The following SCARB2 variants were observed in gnomAD, a reference collection of about 807,000 sequenced individuals.
SCARB2 encodes scavenger receptor class B member 2.
A neutral mutation model predicts 58.6 loss-of-function variants in SCARB2; 29 were observed. That is an observed-to-expected ratio of 0.49 (90% CI 0.37 to 0.67). SCARB2 has a LOEUF of 0.67. Ranked by LOEUF, SCARB2 falls within the 30% of genes least tolerant of loss-of-function variation. The probability of loss-of-function intolerance (pLI) is 0.00; values close to 1 mark genes in which losing one functional copy is unlikely to be tolerated. For missense variants in SCARB2, 488 were observed against 578.5 expected, an observed-to-expected ratio of 0.84 and a Z score of 1.60; for synonymous variants, 195 against 210.1, an observed-to-expected ratio of 0.93 and a Z score of 0.62.
At chr4:76,199,515 A>T (rs1238508164) in intron 1 of SCARB2, among the ~76,000 whole-genome samples, 1 of 152,282 alleles carries the variant, frequency 6.6e-6, no homozygotes, top group African/African-American at 2.4e-5. Context: ...ATATGGCAGG[A>T]CATTAACAAC....
intron 10 of SCARB2, 81 bp from the exon 11 acceptor site, chr4:76,163,464 A>G (rs1303984209): frequency 6.6e-7 from 1 of 1,525,986 alleles, no homozygotes; most frequent in Non-Finnish European, 9.0e-7. Flanking sequence ...TCCTTTGTTT[A>G]ATACAATTTG....
chr4:76,209,532 C>A lies in SCARB2; in HGVS notation c.117+3895G>T, dbSNP rs944645348. Among the ~76,000 whole-genome samples, 4 of 152,124 alleles carry A rather than the reference C, an allele frequency of 2.6e-5. No homozygotes were observed. The East Asian group carries it at 7.7e-4, about 29-fold the overall frequency. Reference sequence around the variant, plus strand: ...TACAGGCACCTGCCACCATGCCTAGCTAATTTCTGTATTTTTAGTAGAGAC... The same window carrying A: ...TACAGGCACCTGCCACCATGCCTAGATAATTTCTGTATTTTTAGTAGAGAC... On this transcript the variant is annotated intron_variant, in intron 1 of 11. Coordinates refer to ENST00000264896, the MANE Select transcript of SCARB2 (RefSeq NM_005506.4).
At chr4:76,208,964 C>A (rs936233373) in intron 1 of SCARB2, among the ~76,000 whole-genome samples, 2 of 152,140 alleles carry the variant, frequency 1.3e-5, no homozygotes, top group African/African-American at 4.8e-5. Context: ...CTATTCCAGG[C>A]AAATGGGATG....
intron 4 of SCARB2, 148 bp from the exon 5 acceptor site, chr4:76,176,676 G>A (rs1257263168): frequency 2.6e-5 from 16 of 622,002 alleles, no homozygotes; most frequent in South Asian, 3.9e-5. Context: ...TCTACAATCC[G>A]TTAACTTTAA....
chr4:76,186,204 T>C (rs1171152068), intron 2 of SCARB2, among the ~76,000 whole-genome samples: 2 of 152,098 alleles, frequency 1.3e-5, no homozygotes, highest in African/African-American at 4.8e-5. Context: ...AAAGACACTT[T>C]TGCTTGATTC....
intron 1 of SCARB2, among the ~76,000 whole-genome samples, chr4:76,209,503 G>C (rs1173718871): frequency 2.0e-5 from 3 of 152,072 alleles, no homozygotes; most frequent in Non-Finnish European, 2.9e-5. Flanking sequence ...CGAGTAGCTG[G>C]GACTACAGGC....
chr4:76,203,975 T>C (rs1732879574), intron 1 of SCARB2, among the ~76,000 whole-genome samples: 1 of 152,228 alleles, frequency 6.6e-6, no homozygotes, highest in African/African-American at 2.4e-5. Context: ...GTCAGTAAAG[T>C]GCTACTTCAT....
chr4:76,196,782 C>T (rs1210140149), intron 1 of SCARB2, among the ~76,000 whole-genome samples: 2 of 152,210 alleles, frequency 1.3e-5, no homozygotes, highest in Non-Finnish European at 2.9e-5. Flanking sequence ...ATGGAGACTG[C>T]ACTCTGCACA....
Position 76,175,906 on chromosome 4 carries a change from G to C in SCARB2, c.709C>G (p.Leu237Val), listed in dbSNP as rs200332825. 9.9e-6 allele frequency: 16 copies of C among 1,613,584 alleles called. No individual in the cohort carries two copies. Among genetic ancestry groups the C allele is most frequent in the Admixed American group, 1.7e-5 (1 of 60,006 alleles). The change falls in exon 6 of 12, where the codon CTT becomes GTT. Residue 237 changes from leucine to valine, a missense_variant. Transcript: ENST00000264896. ...CACTTGTCTGTTATCCACCAGTCAA[G>C]TGACCTATAATTGATAAGCACAAGA... ...KIVEWNGKTS[L>V]DWWITDKCNM... is the part of the protein sequence containing the mutation.
intron 7 of SCARB2, 141 bp downstream of exon 7, chr4:76,174,003 T>C: frequency 1.9e-6 from 2 of 1,032,538 alleles, no homozygotes; most frequent in Admixed American, 3.6e-5. Flanking sequence ...ACTCCTGGGC[T>C]CAAGTGATCA....
chr4:76,180,029 G>C (rs1396044216), intron 3 of SCARB2: 3 of 387,716 alleles, frequency 7.7e-6, no homozygotes, highest in Non-Finnish European at 1.5e-5. Flanking sequence ...GCTACCTTCC[G>C]CCTAAGCAGG....
Position 76,180,987 on chromosome 4 carries a change from A to G in SCARB2, c.390T>C (p.Ile130=), listed in dbSNP as rs757930862. The change falls in exon 3 of 12, where the codon ATT becomes ATC. Residue 130 remains isoleucine (I), a synonymous_variant. Transcript: ENST00000264896. ...ERDQSVGDPK[I]DLIRTLNIPV... ...GAATATTTAATGTTCTAATTAAGTC[A>G]ATTTTAGGGTCTCCAACAGATTGGT... 5 of 1,613,070 alleles carry G rather than the reference A, an allele frequency of 3.1e-6. No homozygotes were observed. The Admixed American group carries it at 6.7e-5, about 22-fold the overall frequency.
intron 1 of SCARB2, among the ~76,000 whole-genome samples, chr4:76,226,209 A>G (rs2074279587): frequency 6.6e-6 from 1 of 152,126 alleles, no homozygotes; most frequent in Non-Finnish European, 1.5e-5. Flanking sequence ...CTGGGAACCC[A>G]TACTATTTAC....
chr4:76,224,808 A>G (rs1027835603), intron 1 of SCARB2, among the ~76,000 whole-genome samples: 4 of 151,984 alleles, frequency 2.6e-5, no homozygotes, highest in Non-Finnish European at 5.9e-5. Flanking sequence ...TTGCATGGAA[A>G]AGTTCTTTAG....
intron 1 of SCARB2, among the ~76,000 whole-genome samples, chr4:76,203,776 C>T (rs1732876132): frequency 6.6e-6 from 1 of 152,152 alleles, no homozygotes; most frequent in South Asian, 2.1e-4. Flanking sequence ...CAGCCACAAC[C>T]CAAGTCAGCC....
At position 76,226,174 on chromosome 4, in the gene SCARB2, A is replaced by G. The variant is rs139415795; in HGVS notation, c.-358+8129T>C. On this transcript the variant is annotated intron_variant, in intron 1 of 11. Coordinates refer to the SCARB2 transcript ENST00000638295. ...GTGGGTCCAGGGAGCCAACGCTAGT[A>G]TGGAGGCTGCGAAGGCCCTGAGCTC... 1.3e-3 allele frequency among the ~76,000 whole-genome samples: 192 copies of G among 152,272 alleles called. 2 individuals are homozygous for G. The highest frequency in any genetic ancestry group is 4.3e-3 in the African/African-American group (178 of 41,562).
chr4:76,201,617 C>T (rs1287930617), intron 1 of SCARB2, among the ~76,000 whole-genome samples: 2 of 152,194 alleles, frequency 1.3e-5, no homozygotes, highest in Non-Finnish European at 2.9e-5. Flanking sequence ...GTCTGAATTT[C>T]AGTACTGCAG....
chr4:76,223,559 T>G (rs563159426), intron 1 of SCARB2, among the ~76,000 whole-genome samples: 19 of 152,198 alleles, frequency 1.2e-4, no homozygotes, highest in African/African-American at 3.9e-4. Flanking sequence ...CTACTCAAAG[T>G]GTGATCCCAA....
chr4:76,178,339 T>C (rs896959198), intron 4 of SCARB2, among the ~76,000 whole-genome samples: 1 of 152,234 alleles, frequency 6.6e-6, no homozygotes, highest in Non-Finnish European at 1.5e-5. Flanking sequence ...AATTTTTGCA[T>C]GAATCATCTC....
Sources: gnomAD v4.1 joint callset for allele counts (sites outside exome capture counted in the v4.1 genomes callset) on GRCh38, gnomAD v4.1.1 for gene constraint, MANE v1.5 for transcripts, NCBI Gene and HGNC (gene_info 2026-07-23, HGNC 2026-07-21) for gene names.